The following SPTLC2 variants were observed in gnomAD, a reference collection of about 807,000 sequenced individuals.
SPTLC2 encodes the protein serine palmitoyltransferase 2.
In SPTLC2, 21 loss-of-function variants were observed where a neutral mutation model predicts 62.0. That is an observed-to-expected ratio of 0.34 (90% CI 0.24 to 0.49). SPTLC2 has a LOEUF of 0.49. SPTLC2 is among the 20% of genes least tolerant of loss of function. The probability of loss-of-function intolerance (pLI) is 0.99; values close to 1 mark genes in which losing one functional copy is unlikely to be tolerated. For synonymous variants in SPTLC2, 261 were observed against 261.8 expected (o/e 1.00, Z 0.03); for missense variants, 511 against 713.0 (o/e 0.72, Z 3.23).
chr14:77,610,905 TTATATA>T (rs551321777), intron 1 of SPTLC2, among the ~76,000 whole-genome samples: 4 of 141,162 alleles, frequency 2.8e-5, no homozygotes. Flanking sequence ...CCCTCTCTCT[TTATATA>T]TATATATTTT....
chr14:77,597,701 G>T lies in SPTLC2; in HGVS notation c.133-321C>A, dbSNP rs140186677. 8.9e-3 allele frequency among the ~76,000 whole-genome samples: 1,343 copies of T among 151,534 alleles called. 9 individuals are homozygous for T. Among genetic ancestry groups the T allele is most frequent in the Non-Finnish European group, 0.012 (810 of 67,946 alleles). The stretch of plus-strand genomic sequence containing the variant: ...AGGGAGGAGAGTTGCTTGAATCTGG[G>T]AAGTGGAGGCTGCAGTAAGCCAAGA... On this transcript the variant is annotated intron_variant, in intron 1 of 11. Transcript: ENST00000216484.
intron 1 of SPTLC2, among the ~76,000 whole-genome samples, chr14:77,613,662 A>G (rs1223844266): frequency 1.3e-5 from 2 of 152,212 alleles, no homozygotes; most frequent in Admixed American, 1.3e-4. Context: ...TCATTAAAAG[A>G]CATGGTGGGA....
In SPTLC2 at chr14:77,517,932, T is replaced by TG. The variant is rs757508286; in HGVS notation, c.1569+105_1569+106insC. 97 of 1,564,006 alleles carry TG rather than the reference T, an allele frequency of 6.2e-5. No homozygotes were observed. In the African/African-American group the frequency reaches 1.2e-3, roughly 20 times the overall value. ...GGTAGCACTGTCACCCCCTCTGTCT[T>TG]AGGTGCTCACAAGAACATCAAGATC... On this transcript the variant is annotated intron_variant, in intron 11 of 11. Coordinates refer to ENST00000216484, the MANE Select transcript of SPTLC2 (RefSeq NM_004863.4).
Position 77,562,388 on chromosome 14 carries a change from A to T in SPTLC2, c.850+8T>A. 6.2e-7 allele frequency: 1 copy of T among 1,613,510 alleles called. No homozygotes were observed. The highest frequency in any genetic ancestry group is 1.7e-5 in the Admixed American group (1 of 60,028). On this transcript the variant is annotated splice_region_variant and intron_variant, in intron 6 of 11. Coordinates refer to ENST00000216484, the MANE Select transcript of SPTLC2 (RefSeq NM_004863.4). ...CAAGGCCAGCAGTGAATTCTTCAGC[A>T]AACTCACTGTTGTGTTTGAAGATTC...
chr14:77,569,842 T>C (rs2079669478), intron 5 of SPTLC2, among the ~76,000 whole-genome samples: 2 of 137,816 alleles, frequency 1.5e-5, no homozygotes, highest in South Asian at 4.5e-4. Context: ...TAATATACAA[T>C]ATTATATATA....
intron 9 of SPTLC2, among the ~76,000 whole-genome samples, chr14:77,539,483 CTTTTTTTTTT>C (rs71128638): frequency 1.9e-5 from 1 of 53,464 alleles, no homozygotes; most frequent in Non-Finnish European, 3.5e-5. Flanking sequence ...TCTTAAGAGG[CTTTTTTTTTT>C]TTTTTTTTTT....
intron 9 of SPTLC2, among the ~76,000 whole-genome samples, chr14:77,533,627 C>A (rs1463810746): frequency 6.6e-6 from 1 of 152,158 alleles, no homozygotes; most frequent in Non-Finnish European, 1.5e-5. Context: ...TAAACAGACC[C>A]TTCTTTACGT....
chr14:77,576,073 T>C (rs1467374748), intron 4 of SPTLC2, among the ~76,000 whole-genome samples: 1 of 152,226 alleles, frequency 6.6e-6, no homozygotes, highest in Non-Finnish European at 1.5e-5. Context: ...CCAACTGTGC[T>C]TGCCAATCCC....
intron 9 of SPTLC2, among the ~76,000 whole-genome samples, chr14:77,527,507 T>C (rs1030233664): frequency 1.3e-5 from 2 of 152,212 alleles, no homozygotes; most frequent in East Asian, 1.9e-4. Context: ...GGGAACTACA[T>C]TAATCACTGC....
chr14:77,533,552 T>A (rs969245310), intron 9 of SPTLC2, among the ~76,000 whole-genome samples: 1 of 152,106 alleles, frequency 6.6e-6, no homozygotes, highest in Non-Finnish European at 1.5e-5. Context: ...ACGCAAGCAG[T>A]TAGTTTCGGG....
rs2079304278 is a variant in SPTLC2, at chr14:77,506,223, T to C, written c.*6061A>G. ...AACAGGGTAAGAGAGAGTGACATTT[T>C]AACACATTACTAAAATGTTTAAGCT... is the stretch of plus-strand genomic sequence containing the variant. On this transcript the variant is annotated 3_prime_UTR_variant, in exon 12 of 12. Transcript: ENST00000216484. The C allele has an allele frequency of 6.6e-6, 1 of 152,242 alleles. No homozygotes were observed. Among genetic ancestry groups the C allele is most frequent in the Admixed American group, 6.5e-5 (1 of 15,282 alleles). The allele number at this position is 152,242 out of a possible 1,614,324, so 9.4% of individuals were successfully genotyped here.
chr14:77,550,165 G>A (rs762894292), intron 9 of SPTLC2, among the ~76,000 whole-genome samples: 2 of 152,136 alleles, frequency 1.3e-5, no homozygotes, highest in Admixed American at 6.5e-5. Flanking sequence ...ACTTCTTCAA[G>A]GAATTAATTC....
At chr14:77,608,986 T>C (rs2079920633) in intron 1 of SPTLC2, among the ~76,000 whole-genome samples, 2 of 151,070 alleles carry the variant, frequency 1.3e-5, no homozygotes, top group Admixed American at 1.3e-4. Context: ...GGGTGCTTGA[T>C]GGCAATGTGT....
In SPTLC2 at chr14:77,512,375, TC is replaced by T; in HGVS notation, c.1597del (p.Asp533ThrfsTer5). 1 of 1,614,126 alleles carries T rather than the reference TC, an allele frequency of 6.2e-7. No individual in the cohort carries two copies. The highest frequency in any genetic ancestry group is 8.5e-7 in the Non-Finnish European group (1 of 1,180,014). ...TALKEIDEVG[D>X]LLQLKYSRHR... ...ACGGGAATACTTCAGCTGCAATAGG[TC>T]CCCAACTTCATCTATCTCCTTTAAA... On this transcript the variant is annotated frameshift_variant, in exon 12 of 12. Coordinates refer to ENST00000216484, the MANE Select transcript of SPTLC2 (RefSeq NM_004863.4). LOFTEE classifies it high-confidence loss of function.
At chr14:77,562,511 A>C in intron 5 of SPTLC2, 22 bp from the exon 6 acceptor site, 1 of 1,603,012 alleles carries the variant, frequency 6.2e-7, no homozygotes, top group Non-Finnish European at 8.5e-7. Context: ...CAGGAACAGA[A>C]AGGTAAGAAG....
intron 10 of SPTLC2, among the ~76,000 whole-genome samples, chr14:77,519,120 A>G (rs1189524664): frequency 1.3e-5 from 2 of 151,862 alleles, no homozygotes; most frequent in Non-Finnish European, 2.9e-5. Flanking sequence ...GCTCACCATA[A>G]CCTCCACCTC....
chr14:77,579,678 T>G (rs2079736959), intron 2 of SPTLC2, among the ~76,000 whole-genome samples: 1 of 151,948 alleles, frequency 6.6e-6, no homozygotes, highest in Admixed American at 6.6e-5. Context: ...CCCAGTAGAT[T>G]GGGGCTGCAG....
chr14:77,557,249 T>A, intron 6 of SPTLC2, 103 bp from the exon 7 acceptor site: 2 of 1,032,040 alleles, frequency 1.9e-6, no homozygotes, highest in Admixed American at 2.0e-5. Context: ...ATGCCTCAGA[T>A]AGCAAAGGAC....
intron 2 of SPTLC2, 140 bp from the exon 3 acceptor site, chr14:77,579,249 A>G: frequency 2.4e-6 from 2 of 829,604 alleles, no homozygotes; most frequent in Non-Finnish European, 3.9e-6. Flanking sequence ...TGTGTAATGG[A>G]CAAGTCAGGG....
Sources: gnomAD v4.1 joint callset for allele counts (sites outside exome capture counted in the v4.1 genomes callset) on GRCh38, gnomAD v4.1.1 for gene constraint, MANE v1.5 for transcripts, NCBI Gene and HGNC (gene_info 2026-07-23, HGNC 2026-07-21) for gene names.